SULF2: variants seen among roughly 807,000 people sequenced by gnomAD.
The protein encoded by SULF2 is extracellular sulfatase Sulf-2.
Under a neutral mutation model 107.7 loss-of-function variants are expected in SULF2, and 52 were observed. That is an observed-to-expected ratio of 0.48 (90% CI 0.39 to 0.61). SULF2 has a LOEUF of 0.61. Among genes scored for constraint, SULF2 ranks in the 20% least tolerant of loss-of-function variants. The pLI, the probability that SULF2 is intolerant of heterozygous loss-of-function variation, is 0.00. For missense variants in SULF2, 993 were observed against 1,177.3 expected, an observed-to-expected ratio of 0.84 and a Z score of 2.29; for synonymous variants, 460 against 464.3, an observed-to-expected ratio of 0.99 and a Z score of 0.12.
chr20:47,781,416 G>A (rs888480149), intron 1 of SULF2, among the ~76,000 whole-genome samples: 3 of 152,236 alleles, frequency 2.0e-5, no homozygotes, highest in Non-Finnish European at 4.4e-5. Flanking sequence ...TCCAGGGAGA[G>A]GCCTGTGAGC....
chr20:47,723,682 C>T (rs751814281), intron 3 of SULF2, among the ~76,000 whole-genome samples: 1 of 152,164 alleles, frequency 6.6e-6, no homozygotes, highest in Admixed American at 6.5e-5. Context: ...CTAGGTTGTG[C>T]ACTCCTTATG....
Position 47,678,691 on chromosome 20 carries a change from T to A in SULF2, c.1178A>T (p.Glu393Val). 1.2e-6 allele frequency: 2 copies of A among 1,613,802 alleles called. No individual in the cohort carries two copies. The highest frequency in any genetic ancestry group is 1.7e-6 in the Non-Finnish European group (2 of 1,179,940). ...CCGTCCTCACCGATTCACCGGCCGC[T>A]CCGTGTCCAGCAGCTTGAGGATGGA... ...GKSILKLLDTERPVNRFHLKK... is the reference protein window; with the variant it reads ...GKSILKLLDTVRPVNRFHLKK... Residue 393 changes from glutamate (E) to valine (V), a missense_variant, in exon 8 of 21, where the codon GAG (glutamate) becomes GTG (valine). Glu to Val is a moderately radical substitution (Grantham distance 121, BLOSUM62 -2). Around this residue, in one of 3 missense-constraint regions of SULF2, gnomAD observed 108 missense variants for 183.9 expected, o/e 0.59. Transcript: ENST00000688720. This position sits in a 1 kb window ranked among gnomAD's most constrained non-coding sequence, Gnocchi z 4.5.
intron 4 of SULF2, among the ~76,000 whole-genome samples, chr20:47,701,632 T>C (rs1044037203): frequency 6.6e-6 from 1 of 152,184 alleles, no homozygotes; most frequent in African/African-American, 2.4e-5. Context: ...TAGACAGTGC[T>C]CAGCAGCGCT....
At chr20:47,661,462 C>T (rs2087063445) in intron 18 of SULF2, 2 of 208,116 alleles carry the variant, frequency 9.6e-6, no homozygotes, top group African/African-American at 2.3e-5. Flanking sequence ...CTTTAGTCAA[C>T]ATGGTTTCAG....
chr20:47,740,757 T>C (rs1271725561), intron 2 of SULF2, among the ~76,000 whole-genome samples: 2 of 152,208 alleles, frequency 1.3e-5, no homozygotes, highest in South Asian at 2.1e-4. Context: ...TTGGCAATCA[T>C]TGGCTTGGTA....
chr20:47,721,332 G>A (rs775034981), intron 3 of SULF2, among the ~76,000 whole-genome samples: 1 of 151,796 alleles, frequency 6.6e-6, no homozygotes, highest in African/African-American at 2.4e-5. Flanking sequence ...GGGGCTGGGA[G>A]AAATGCTCTC....
rs2086961042 is a variant in SULF2, at chr20:47,658,378, T to C, written c.2597A>G (p.Glu866Gly). Residue 866 changes from glutamate to glycine, a missense_variant, in exon 21 of 21, where the codon GAA becomes GGA. By Grantham distance (98) the Glu-to-Gly change is moderately conservative. This residue lies in a region of SULF2 where 497 missense variants were observed against 544.1 expected (regional missense o/e 0.91). Transcript: ENST00000688720. ...TGTTGTTTCTTAACCTTCCCAGCCTTCCCACAGTTGTCCCCTAAAGAACAA... is the reference window on the plus strand; with the variant it reads ...TGTTGTTTCTTAACCTTCCCAGCCTCCCCACAGTTGTCCCCTAAAGAACAA... ...PSSKSLGQLW[E>G]GWEG 1 of 1,614,092 alleles carries C rather than the reference T, an allele frequency of 6.2e-7. No individual in the cohort carries two copies. The highest frequency in any genetic ancestry group is 8.5e-7 in the Non-Finnish European group (1 of 1,180,042).
chr20:47,673,515 T>C (rs1889197), intron 10 of SULF2, among the ~76,000 whole-genome samples: 132,047 of 151,944 alleles, frequency 0.87, 57,809 homozygotes, highest in African/African-American at 0.97. Flanking sequence ...TGCTGCACCG[T>C]CTGCCCCCGC....
intron 3 of SULF2, among the ~76,000 whole-genome samples, chr20:47,721,690 G>A (rs11697995): frequency 7.3e-4 from 111 of 152,188 alleles, no homozygotes; most frequent in Non-Finnish European, 1.3e-3. Context: ...TTTCTATAGT[G>A]GATATCTGTT....
At position 47,697,155 on chromosome 20, in the gene SULF2, A is replaced by G. The variant is rs1210046036; in HGVS notation, c.567+5364T>C. On this transcript the variant is annotated intron_variant, in intron 4 of 20. Coordinates refer to ENST00000688720, the MANE Select transcript of SULF2 (RefSeq NM_001387048.1). ...TGGAAGCCTCTTTTCGGGTGGACTC[A>G]ACTCTAGGTCATTCTCACTTCCCTT... Among the ~76,000 whole-genome samples the G allele has an allele frequency of 3.3e-5, 5 of 152,140 alleles. No individual in the cohort carries two copies. In the East Asian group the frequency reaches 7.7e-4, roughly 23 times the overall value.
At chr20:47,730,318 A>G (rs1377456817) in intron 3 of SULF2, among the ~76,000 whole-genome samples, 1 of 152,242 alleles carries the variant, frequency 6.6e-6, no homozygotes, top group Non-Finnish European at 1.5e-5. Context: ...ACCGGATGGC[A>G]GAAGCTGGGG....
rs140939189 is a variant in SULF2 at position 47,730,699 on chromosome 20, C to T, written c.415+6004G>A. On this transcript the variant is annotated intron_variant, in intron 3 of 20. Transcript: ENST00000688720. Reference sequence around the variant, plus strand: ...TCCTGACCTTGTGATCCACCCTCCTCGGCTTCCCAGAGTGCTGGGATTACA... The same window carrying T: ...TCCTGACCTTGTGATCCACCCTCCTTGGCTTCCCAGAGTGCTGGGATTACA... Among the ~76,000 whole-genome samples the T allele has an allele frequency of 2.6e-4, 39 of 152,322 alleles. No individual in the cohort carries two copies. In the East Asian group the frequency reaches 5.4e-3, roughly 21 times the overall value.
intron 3 of SULF2, among the ~76,000 whole-genome samples, chr20:47,726,448 CAA>C: frequency 6.6e-6 from 1 of 152,148 alleles, no homozygotes; most frequent in South Asian, 2.1e-4. Context: ...CTCCTGGCCT[CAA>C]GAGATCCTCC....
intron 18 of SULF2, among the ~76,000 whole-genome samples, chr20:47,660,331 A>T (rs762208306): frequency 1.2e-4 from 18 of 152,234 alleles, no homozygotes; most frequent in Non-Finnish European, 2.4e-4. Flanking sequence ...GGAAGCTACT[A>T]GTGAAAATTC....
intron 2 of SULF2, among the ~76,000 whole-genome samples, chr20:47,748,948 C>A (rs944679626): frequency 6.6e-6 from 1 of 151,994 alleles, no homozygotes; most frequent in Non-Finnish European, 1.5e-5. Flanking sequence ...TTATAATTCT[C>A]GCTGAGATCA....
chr20:47,754,984 C>A (rs1298095959), intron 2 of SULF2, among the ~76,000 whole-genome samples: 1 of 151,502 alleles, frequency 6.6e-6, no homozygotes, highest in African/African-American at 2.4e-5. Context: ...CAGGTGTGTG[C>A]CACCATCCTT....
rs964139250 is a variant in SULF2, at chr20:47,680,239, G to A, written c.1065-1435C>T. Reference sequence around the variant, plus strand: ...CATGCCTCAGCCTCCCGAGTAGCTGGGATTACAGGCATGCGCCATCACACC... The same window carrying A: ...CATGCCTCAGCCTCCCGAGTAGCTGAGATTACAGGCATGCGCCATCACACC... On this transcript the variant is annotated intron_variant, in intron 7 of 20. Transcript: ENST00000688720. This position sits in a 1 kb window ranked among gnomAD's most constrained non-coding sequence, Gnocchi z 4.2. Among the ~76,000 whole-genome samples, 4 of 152,312 alleles carry A rather than the reference G, an allele frequency of 2.6e-5. No individual in the cohort carries two copies. The highest frequency in any genetic ancestry group is 3.4e-3 in the Middle Eastern group (1 of 294).
At position 47,702,506 on chromosome 20, in the gene SULF2, G is replaced by C. The variant is rs765380046; in HGVS notation, c.567+13C>G. ...CACACAGCCACTCCCAGGCTGGAAAGGTTGCAGCTTACCTTGGAGTAGTCG... is the reference window on the plus strand; with the variant it reads ...CACACAGCCACTCCCAGGCTGGAAACGTTGCAGCTTACCTTGGAGTAGTCG... On this transcript the variant is annotated intron_variant, in intron 4 of 20. Transcript: ENST00000688720. 5.0e-6 allele frequency: 8 copies of C among 1,610,362 alleles called. No homozygotes were observed. The highest frequency in any genetic ancestry group is 5.9e-6 in the Non-Finnish European group (7 of 1,178,738).
chr20:47,667,585 T>A (rs922210291), intron 11 of SULF2, among the ~76,000 whole-genome samples: 1 of 152,128 alleles, frequency 6.6e-6, no homozygotes, highest in Non-Finnish European at 1.5e-5. Context: ...GGCGGCCCCT[T>A]TGGCTGCCCA....
Sources: allele counts gnomAD v4.1 joint callset (sites outside exome capture counted in the v4.1 genomes callset), GRCh38; gene constraint gnomAD v4.1.1; regional missense constraint gnomAD v4.1.1; non-coding constraint Gnocchi (gnomAD v3.1); transcripts MANE v1.5; gene names NCBI Gene and HGNC (gene_info 2026-07-23, HGNC 2026-07-21).